The following SLC24A3 variants were observed in gnomAD, a reference collection of about 807,000 sequenced individuals.
The protein encoded by SLC24A3 is sodium/potassium/calcium exchanger 3.
Under a neutral mutation model 75.8 loss-of-function variants are expected in SLC24A3, and 28 were observed. That is an observed-to-expected ratio of 0.37 (90% confidence interval 0.27 to 0.51). The LOEUF is 0.51. Ranked by LOEUF, SLC24A3 falls within the 20% of genes least tolerant of loss-of-function variation. The probability of loss-of-function intolerance (pLI) is 0.94; values close to 1 mark genes in which losing one functional copy is unlikely to be tolerated. For synonymous variants in SLC24A3, 372 were observed against 334.1 expected, an observed-to-expected ratio of 1.11 and a Z score of -1.24; for missense variants, 663 against 847.8, an observed-to-expected ratio of 0.78 and a Z score of 2.71.
At chr20:19,568,750 A>G (rs1219714363) in intron 3 of SLC24A3, among the ~76,000 whole-genome samples, 2 of 152,166 alleles carry the variant, frequency 1.3e-5, no homozygotes, top group Non-Finnish European at 2.9e-5. Flanking sequence ...ATGGTAAATT[A>G]TGTTATGCCT....
At chr20:19,539,540 G>A (rs758049746) in intron 3 of SLC24A3, among the ~76,000 whole-genome samples, 10 of 152,202 alleles carry the variant, frequency 6.6e-5, no homozygotes, top group Admixed American at 2.0e-4. Context: ...TATTTTTGCC[G>A]TTATTTTCTG....
At chr20:19,281,885 G>A (rs1983674513) in intron 2 of SLC24A3, among the ~76,000 whole-genome samples, 1 of 152,132 alleles carries the variant, frequency 6.6e-6, no homozygotes, top group East Asian at 1.9e-4. Flanking sequence ...TTATCTCACA[G>A]GTTGTACCAA....
intron 2 of SLC24A3, among the ~76,000 whole-genome samples, chr20:19,311,909 G>A (rs1482597582): frequency 6.6e-6 from 1 of 152,026 alleles, no homozygotes; most frequent in Non-Finnish European, 1.5e-5. Flanking sequence ...CCGGTGCTGT[G>A]TGTGTAGCAT....
intron 2 of SLC24A3, among the ~76,000 whole-genome samples, chr20:19,353,701 G>A (rs1985621008): frequency 6.6e-6 from 1 of 152,182 alleles, no homozygotes; most frequent in Non-Finnish European, 1.5e-5. Flanking sequence ...TAATAAAAAT[G>A]CATGACCTGA....
At chr20:19,450,325 C>T (rs1450807429) in intron 2 of SLC24A3, among the ~76,000 whole-genome samples, 1 of 152,182 alleles carries the variant, frequency 6.6e-6, no homozygotes, top group Non-Finnish European at 1.5e-5. Context: ...ATCCCTGGCA[C>T]TTGTTACACT....
At chr20:19,687,004 C>A (rs916678690) in intron 12 of SLC24A3, among the ~76,000 whole-genome samples, 2 of 152,206 alleles carry the variant, frequency 1.3e-5, no homozygotes, top group African/African-American at 4.8e-5. Context: ...CCCTTGTAAA[C>A]CCTTCCATTC....
At chr20:19,575,076 T>C (rs1324681972) in intron 3 of SLC24A3, among the ~76,000 whole-genome samples, 1 of 151,070 alleles carries the variant, frequency 6.6e-6, no homozygotes, top group East Asian at 1.9e-4. Context: ...ATGGTGAAAC[T>C]CTGACTCTAA....
chr20:19,456,191 C>G (rs1470878336), intron 2 of SLC24A3, among the ~76,000 whole-genome samples: 1 of 152,164 alleles, frequency 6.6e-6, no homozygotes, highest in Non-Finnish European at 1.5e-5. Flanking sequence ...TGGAGGAACA[C>G]TTATGGCAAG....
At chr20:19,327,998 A>C (rs935420673) in intron 2 of SLC24A3, among the ~76,000 whole-genome samples, 8 of 152,180 alleles carry the variant, frequency 5.3e-5, no homozygotes, top group African/African-American at 1.9e-4. Context: ...AAAATGAACA[A>C]GGTGAGAGGG....
At chr20:19,318,558 T>C (rs1984634749) in intron 2 of SLC24A3, among the ~76,000 whole-genome samples, 1 of 152,186 alleles carries the variant, frequency 6.6e-6, no homozygotes, top group Non-Finnish European at 1.5e-5. Context: ...TAGCTGCTCT[T>C]ATTACCAGAT....
At chr20:19,353,386 T>A (rs576063298) in intron 2 of SLC24A3, among the ~76,000 whole-genome samples, 1 of 151,478 alleles carries the variant, frequency 6.6e-6, no homozygotes, top group Admixed American at 6.6e-5. Flanking sequence ...CATAGCTATT[T>A]AAAAAAAAAT....
intron 3 of SLC24A3, among the ~76,000 whole-genome samples, chr20:19,529,662 G>A (rs1053377002): frequency 2.6e-5 from 4 of 152,118 alleles, no homozygotes; most frequent in East Asian, 3.9e-4. Context: ...CCTCCTCCCC[G>A]CACCATCATG....
chr20:19,534,307 C>T (rs542812169), intron 3 of SLC24A3, among the ~76,000 whole-genome samples: 26 of 152,330 alleles, frequency 1.7e-4, no homozygotes, highest in African/African-American at 6.3e-4. Context: ...GGTACAACTG[C>T]AAAAAGCAAC....
At chr20:19,720,582 G>C (rs559602947) in intron 16 of SLC24A3, among the ~76,000 whole-genome samples, 1 of 152,176 alleles carries the variant, frequency 6.6e-6, no homozygotes, top group Non-Finnish European at 1.5e-5. Context: ...CGTAGGAAGA[G>C]ATGCAGCCGC....
chr20:19,320,547 G>C (rs2122275295), intron 2 of SLC24A3, among the ~76,000 whole-genome samples: 1 of 151,666 alleles, frequency 6.6e-6, no homozygotes. Flanking sequence ...CATCTGCTTG[G>C]TCTCTCTCTC....
At chr20:19,668,376 C>G (rs913042479) in intron 8 of SLC24A3, among the ~76,000 whole-genome samples, 8 of 152,138 alleles carry the variant, frequency 5.3e-5, no homozygotes, top group African/African-American at 1.9e-4. Context: ...CGTCTAGGTG[C>G]TGATTTCTCT....
intron 3 of SLC24A3, among the ~76,000 whole-genome samples, chr20:19,525,463 G>T (rs951751868): frequency 3.3e-5 from 5 of 152,156 alleles, no homozygotes; most frequent in African/African-American, 1.2e-4. Context: ...GCCAGTGACG[G>T]CTGGGGAGAA....
At chr20:19,385,919 G>A (rs1289506948) in intron 2 of SLC24A3, among the ~76,000 whole-genome samples, 8 of 152,140 alleles carry the variant, frequency 5.3e-5, no homozygotes, top group Non-Finnish European at 5.9e-5. Flanking sequence ...TTACAGGCAT[G>A]AGCCACCACC....
intron 2 of SLC24A3, among the ~76,000 whole-genome samples, chr20:19,385,393 A>G (rs1220639682): frequency 6.6e-6 from 1 of 152,156 alleles, no homozygotes; most frequent in Admixed American, 6.5e-5. Context: ...TATTGAAGAG[A>G]CTGTTCTTTC....
Sources: allele counts gnomAD v4.1 joint callset (sites outside exome capture counted in the v4.1 genomes callset), GRCh38; gene constraint gnomAD v4.1.1; transcripts MANE v1.5; gene names NCBI Gene and HGNC (gene_info 2026-07-23, HGNC 2026-07-21).